The following SKIC8 variants were observed in gnomAD, a reference collection of about 807,000 sequenced individuals.
The protein encoded by SKIC8 is SKI8 subunit of superkiller complex.
the SKIC8 span, chr15:78,293,352 G>A: frequency 4.6e-6 from 6 of 1,304,082 alleles, no homozygotes; most frequent in African/African-American, 7.3e-5. Context: ...ACAATTGTGA[G>A]GTAACATTTA....
chr15:78,286,465 A>G, the SKIC8 span: 1 of 216,162 alleles, frequency 4.6e-6, no homozygotes, highest in Non-Finnish European at 9.2e-6. Flanking sequence ...GAAATTGAGA[A>G]CCAACGGGGC....
chr15:78,294,844 A>G, the SKIC8 span: 1 of 1,358,132 alleles, frequency 7.4e-7, no homozygotes. Context: ...CAAAGTGAGT[A>G]TACTTGAAAA....
chr15:78,295,508 C>T, the SKIC8 span: 2 of 749,840 alleles, frequency 2.7e-6, no homozygotes, highest in Non-Finnish European at 4.6e-6. Context: ...TTGCATTTCA[C>T]TAGTCCCACC....
the SKIC8 span, among the ~76,000 whole-genome samples, chr15:78,290,360 G>A: frequency 6.6e-6 from 1 of 152,214 alleles, no homozygotes; most frequent in Admixed American, 6.5e-5. Context: ...TGGTGGGAAT[G>A]TAAAACGGCA....
At chr15:78,291,340 CTCTTT>C in the SKIC8 span, 7 of 152,136 alleles carry the variant, frequency 4.6e-5, no homozygotes, top group Admixed American at 2.0e-4. Flanking sequence ...CTGTCTCTTC[CTCTTT>C]TCTTAAGACC....
At chr15:78,284,595 C>CT in the SKIC8 span, 1 of 152,250 alleles carries the variant, frequency 6.6e-6, no homozygotes, top group African/African-American at 2.4e-5. Flanking sequence ...CCCAGGCCCT[C>CT]TGCCAGACCT....
chr15:78,296,012 TAG>T, the SKIC8 span: 21 of 297,842 alleles, frequency 7.1e-5, no homozygotes, highest in African/African-American at 4.5e-4. Flanking sequence ...TCCTGCTCTT[TAG>T]AGAGAAAAAA....
At chr15:78,286,404 T>C in the SKIC8 span, 1 of 364,862 alleles carries the variant, frequency 2.7e-6, no homozygotes, top group Admixed American at 4.3e-5. Flanking sequence ...AAGCTCAAAA[T>C]GAACAAAGAA....
chr15:78,287,054 T>C, the SKIC8 span, among the ~76,000 whole-genome samples: 2 of 152,132 alleles, frequency 1.3e-5, no homozygotes, highest in Admixed American at 6.5e-5. Flanking sequence ...GCATCAATAT[T>C]GGGTGAAAAA....
chr15:78,285,774 A>G, the SKIC8 span: 1 of 464,010 alleles, frequency 2.2e-6, no homozygotes. Context: ...TACCATTGGA[A>G]CACAAGTCTA....
chr15:78,293,214 C>T, the SKIC8 span: 2 of 1,614,132 alleles, frequency 1.2e-6, no homozygotes, highest in South Asian at 1.1e-5. Context: ...TGACCACTGT[C>T]TCAGAGTTTT....
chr15:78,293,153 G>A, the SKIC8 span: 22 of 1,610,344 alleles, frequency 1.4e-5, no homozygotes, highest in Non-Finnish European at 1.9e-5. Flanking sequence ...GTATGTTAGG[G>A]GAGAGGCACT....
At chr15:78,289,246 C>T in the SKIC8 span, among the ~76,000 whole-genome samples, 4 of 152,120 alleles carry the variant, frequency 2.6e-5, no homozygotes, top group South Asian at 8.3e-4. Flanking sequence ...GACCCCATCT[C>T]CTCAAAAATT....
At chr15:78,288,333 G>A in the SKIC8 span, 3 of 1,613,922 alleles carry the variant, frequency 1.9e-6, no homozygotes, top group Admixed American at 3.3e-5. Flanking sequence ...CAGTGACAAG[G>A]AGCTGGGAGT....
the SKIC8 span, among the ~76,000 whole-genome samples, chr15:78,287,938 C>T: frequency 0.92 from 139,254 of 152,138 alleles, 63,772 homozygotes; most frequent in South Asian, 0.96. Flanking sequence ...GCTCTAATTT[C>T]TTCCTGTCCC....
At chr15:78,285,393 A>G in the SKIC8 span, 1 of 1,525,384 alleles carries the variant, frequency 6.6e-7, no homozygotes, top group African/African-American at 1.4e-5. Flanking sequence ...GACTTCGACC[A>G]AAAATCCTTT....
chr15:78,285,047 C>T, the SKIC8 span: 16 of 552,488 alleles, frequency 2.9e-5, no homozygotes, highest in Middle Eastern at 2.7e-4. Flanking sequence ...GGATATGCCT[C>T]GTGAGTTGCT....
chr15:78,292,519 C>A, the SKIC8 span: 1 of 1,506,234 alleles, frequency 6.6e-7, no homozygotes, highest in African/African-American at 1.4e-5. Flanking sequence ...CCTCTCAAAT[C>A]CAAAAAATTC....
chr15:78,286,109 C>T, the SKIC8 span: 1,035 of 1,613,354 alleles, frequency 6.4e-4, 4 homozygotes, highest in Non-Finnish European at 5.5e-4. Flanking sequence ...GGCCGCTCAG[C>T]GTGCCAGCCA....
Sources: gnomAD v4.1 joint callset for allele counts (sites outside exome capture counted in the v4.1 genomes callset) on GRCh38, gnomAD v4.1.1 for gene constraint, MANE v1.5 for transcripts, NCBI Gene and HGNC (gene_info 2026-07-23, HGNC 2026-07-21) for gene names.